The following GNA12 variants were observed in gnomAD, a reference collection of about 807,000 sequenced individuals.
GNA12 encodes G protein subunit alpha 12.
GNA12 carries 9 observed loss-of-function variants against 26.0 expected under a neutral mutation model. That is an observed-to-expected ratio of 0.35 (90% CI 0.21 to 0.60). The LOEUF (loss-of-function observed/expected upper bound fraction) is 0.60, where lower values mean the gene tolerates loss of function less well. GNA12 is among the 20% of genes least tolerant of loss of function. The probability of loss-of-function intolerance (pLI) is 0.78; values close to 1 mark genes in which losing one functional copy is unlikely to be tolerated. For synonymous variants in GNA12, 264 were observed against 219.6 expected (o/e 1.20, Z -1.79); for missense variants, 405 against 525.8 (o/e 0.77, Z 2.25).
intron 1 of GNA12, among the ~76,000 whole-genome samples, chr7:2,823,587 A>T (rs1441871031): frequency 6.6e-6 from 1 of 152,214 alleles, no homozygotes; most frequent in Admixed American, 6.5e-5. Flanking sequence ...GAATTAGAAC[A>T]ATTCGTTCAA....
At chr7:2,770,650 C>CAACAA (rs56863310) in intron 2 of GNA12, among the ~76,000 whole-genome samples, 72,041 of 136,026 alleles carry the variant, frequency 0.53, 17,298 homozygotes, top group Non-Finnish European at 0.56. Flanking sequence ...ACAATAACAA[C>CAACAA]AACAAAACAA....
intron 2 of GNA12, among the ~76,000 whole-genome samples, chr7:2,768,368 A>G (rs920705587): frequency 2.0e-5 from 3 of 152,238 alleles, no homozygotes; most frequent in Non-Finnish European, 4.4e-5. Context: ...TCCAGTGAAG[A>G]TCAGTAGCCT....
At chr7:2,785,072 C>T (rs1792324896) in intron 2 of GNA12, among the ~76,000 whole-genome samples, 1 of 152,026 alleles carries the variant, frequency 6.6e-6, no homozygotes, top group South Asian at 2.1e-4. Flanking sequence ...TAATACTCTT[C>T]GTGATTAATG....
intron 2 of GNA12, among the ~76,000 whole-genome samples, chr7:2,789,628 C>A (rs1392222977): frequency 3.9e-5 from 6 of 152,160 alleles, no homozygotes; most frequent in African/African-American, 1.4e-4. Flanking sequence ...GCACACAGAC[C>A]GGGTGGCAAC....
intron 2 of GNA12, among the ~76,000 whole-genome samples, chr7:2,739,284 C>A (rs1790376930): frequency 6.6e-6 from 1 of 152,228 alleles, no homozygotes; most frequent in Admixed American, 6.5e-5. Flanking sequence ...AGCCGCCACT[C>A]CCACTGCCCT....
At chr7:2,793,523 A>G (rs1046971762) in intron 2 of GNA12, among the ~76,000 whole-genome samples, 1 of 152,170 alleles carries the variant, frequency 6.6e-6, no homozygotes, top group South Asian at 2.1e-4. Flanking sequence ...CTATTAGCAG[A>G]CTATATAGCA....
At chr7:2,765,151 T>C (rs1791750451) in intron 2 of GNA12, 1 of 131,680 alleles carries the variant, frequency 7.6e-6, no homozygotes, top group African/African-American at 3.1e-5. Context: ...ACAGGCTGAC[T>C]TTTTTTTTTT....
At chr7:2,843,676 C>G (rs1260740232) in intron 1 of GNA12, among the ~76,000 whole-genome samples, 177 bp downstream of exon 1, 4 of 148,494 alleles carry the variant, frequency 2.7e-5, no homozygotes, top group African/African-American at 1.0e-4. Context: ...GGGGCAGAGA[C>G]GACGCCAGCA....
intron 2 of GNA12, among the ~76,000 whole-genome samples, chr7:2,739,039 G>T (rs1156630783): frequency 1.3e-5 from 2 of 152,222 alleles, no homozygotes; most frequent in Non-Finnish European, 2.9e-5. Context: ...CCGTGGAGCA[G>T]CCTCTACAAC....
At chr7:2,803,319 T>C (rs767848573) in intron 1 of GNA12, among the ~76,000 whole-genome samples, 7 of 151,960 alleles carry the variant, frequency 4.6e-5, no homozygotes, top group African/African-American at 1.5e-4. Context: ...GAAGTCTGTG[T>C]GAGAAAGGGG....
chr7:2,738,810 C>T (rs11971014), intron 2 of GNA12, among the ~76,000 whole-genome samples: 21,453 of 152,258 alleles, frequency 0.14, 1,659 homozygotes, highest in Middle Eastern at 0.19. Flanking sequence ...ACCTAGAATT[C>T]TGGCCTCCTC....
At chr7:2,760,792 G>A (rs956837698) in intron 2 of GNA12, among the ~76,000 whole-genome samples, 10 of 152,158 alleles carry the variant, frequency 6.6e-5, no homozygotes, top group Non-Finnish European at 1.3e-4. Context: ...CTGCTGGACC[G>A]TCCCAGCTGC....
intron 1 of GNA12, among the ~76,000 whole-genome samples, chr7:2,843,555 G>C (rs538577078): frequency 6.6e-6 from 1 of 152,150 alleles, no homozygotes; most frequent in Non-Finnish European, 1.5e-5. Flanking sequence ...GCTAAGGAGG[G>C]AGTAGGGCTT....
intron 2 of GNA12, among the ~76,000 whole-genome samples, chr7:2,749,025 G>C (rs1255743490): frequency 1.3e-5 from 2 of 152,190 alleles, no homozygotes; most frequent in African/African-American, 2.4e-5. Context: ...GTGCTGGAGA[G>C]GATGTGGAGA....
At chr7:2,817,167 G>A (rs946187501) in intron 1 of GNA12, among the ~76,000 whole-genome samples, 3 of 152,188 alleles carry the variant, frequency 2.0e-5, no homozygotes, top group Non-Finnish European at 2.9e-5. Context: ...GCGCAATGGC[G>A]CGACCTCGGC....
intron 2 of GNA12, among the ~76,000 whole-genome samples, chr7:2,786,237 A>C (rs560941872): frequency 1.3e-4 from 20 of 152,364 alleles, no homozygotes; most frequent in Middle Eastern, 3.4e-3. Flanking sequence ...GTAAGATGTC[A>C]TCATTGGGGG....
chr7:2,748,209 CTAAGCCAA>C (rs1160640079), intron 2 of GNA12, among the ~76,000 whole-genome samples: 1 of 150,984 alleles, frequency 6.6e-6, no homozygotes, highest in Non-Finnish European at 1.5e-5. Context: ...CAAGTCAATC[CTAAGCCAA>C]AAGAACAAAG....
In GNA12 at chr7:2,795,053, A is replaced by C. The variant is rs775896855; in HGVS notation, c.400T>G (p.Phe134Val). ...ACAGGCAGCCCCGCCTTGTTCTCGA[A>C]GGCCATCAGGAACATCCCATGCTTC... Reference protein sequence around the residue: ...NEKHGMFLMAFENKAGLPVEP... With the variant: ...NEKHGMFLMAVENKAGLPVEP... The change falls in exon 2 of 4, where the codon TTC becomes GTC. Residue 134 changes from phenylalanine (F) to valine (V), a missense_variant. Coordinates refer to ENST00000275364, the MANE Select transcript of GNA12 (RefSeq NM_007353.3). The C allele has an allele frequency of 3.1e-6, 5 of 1,613,834 alleles. No homozygotes were observed. The highest frequency in any genetic ancestry group is 1.6e-4 in the Middle Eastern group (1 of 6,082).
At chr7:2,749,884 A>G (rs79538422) in intron 2 of GNA12, among the ~76,000 whole-genome samples, 2 of 152,172 alleles carry the variant, frequency 1.3e-5, no homozygotes, top group African/African-American at 4.8e-5. Context: ...AAAAAAGATA[A>G]AGAATGAGGT....
Sources: allele counts gnomAD v4.1 joint callset (sites outside exome capture counted in the v4.1 genomes callset), GRCh38; gene constraint gnomAD v4.1.1; transcripts MANE v1.5; gene names NCBI Gene and HGNC (gene_info 2026-07-23, HGNC 2026-07-21).